Variants in KANSL1L observed in about 807,000 individuals in gnomAD.
KANSL1L encodes KAT8 regulatory NSL complex subunit 1 like, also known as KAT8 regulatory NSL complex subunit 1-like protein.
A neutral mutation model predicts 108.6 loss-of-function variants in KANSL1L; 25 were observed. That is an observed-to-expected ratio of 0.23 (90% CI 0.17 to 0.32). The LOEUF (loss-of-function observed/expected upper bound fraction) is 0.32, where lower values mean the gene tolerates loss of function less well. Among genes scored for constraint, KANSL1L ranks in the 10% least tolerant of loss-of-function variants. The probability of loss-of-function intolerance (pLI) is 1.00; values close to 1 mark genes in which losing one functional copy is unlikely to be tolerated. For missense variants in KANSL1L, 1,137 were observed against 1,125.7 expected (o/e 1.01, Z -0.14); for synonymous variants, 405 against 395.1 (o/e 1.03, Z -0.30).
rs2094993241 is a variant in KANSL1L, at chr2:210,119,497, A to G, written c.1230+9534T>C. ...TTAAAAATATCATTTGTCATAATCA[A>G]GTAGGATGCATTCCAGGGGCGCAAA... On this transcript the variant is annotated intron_variant, in intron 3 of 14. Transcript: ENST00000281772. 2.0e-5 allele frequency among the ~76,000 whole-genome samples: 3 copies of G among 152,354 alleles called. No individual in the cohort carries two copies. In the South Asian group the frequency reaches 6.2e-4, roughly 32 times the overall value.
At chr2:210,163,461 A>C (rs2095371712) in intron 1 of KANSL1L, among the ~76,000 whole-genome samples, 1 of 152,196 alleles carries the variant, frequency 6.6e-6, no homozygotes, top group Admixed American at 6.5e-5. Flanking sequence ...AAAACTAAAA[A>C]GGAAAGAGAA....
At chr2:210,079,644 A>ATATATATATATATATGTATGTGTG (rs2094570002) in intron 5 of KANSL1L, among the ~76,000 whole-genome samples, 1 of 8,978 alleles carries the variant, frequency 1.1e-4, no homozygotes, top group African/African-American at 2.0e-4. Flanking sequence ...ATATATATAT[A>ATATATATATATATATGTATGTGTG]TATATATATA....
At chr2:210,152,735 A>C (rs558825590) in intron 2 of KANSL1L, 1 of 152,176 alleles carries the variant, frequency 6.6e-6, no homozygotes, top group Non-Finnish European at 1.5e-5. Context: ...GTAGAGAGTT[A>C]AGGAAAAAAA....
intron 1 of KANSL1L, among the ~76,000 whole-genome samples, chr2:210,162,682 G>C (rs2095368261): frequency 6.7e-6 from 1 of 149,188 alleles, no homozygotes; most frequent in Admixed American, 6.9e-5. Flanking sequence ...CAAAGGAAGA[G>C]GAGCTATAAA....
chr2:210,029,759 T>A (rs1211500178), intron 10 of KANSL1L, 44 bp downstream of exon 10: 1 of 982,092 alleles, frequency 1.0e-6, no homozygotes, highest in Non-Finnish European at 1.6e-6. Context: ...CAGGTGTTTT[T>A]ATTTTTAAAG....
intron 5 of KANSL1L, among the ~76,000 whole-genome samples, chr2:210,079,652 A>ATGTG (rs1296837445): frequency 5.0e-5 from 1 of 20,184 alleles, no homozygotes; most frequent in African/African-American, 1.5e-4. Context: ...ATATATATAT[A>ATGTG]TATATATATA....
chr2:210,160,921 A>G (rs1444580877), intron 1 of KANSL1L, among the ~76,000 whole-genome samples: 2 of 152,178 alleles, frequency 1.3e-5, no homozygotes, highest in African/African-American at 4.8e-5. Flanking sequence ...TGGCATTAGC[A>G]AAAGGATGAA....
rs66917529 is a variant in KANSL1L, at chr2:210,171,295, GGCCGCCGCCGCCGCCGCCGCCGCC to G, written c.-200_-177del. ...CCAGAGCGCGCCCCGCTCCCGCCCC[GGCCGCCGCCGCCGCCGCCGCCGCC>G]GCCGCCGCCGCCGCCGCCGCCGCGG... On this transcript the variant is annotated 5_prime_UTR_variant, in exon 1 of 15. Transcript: ENST00000281772. The G allele has an allele frequency of 0.059, 10,332 of 174,270 alleles. 476 individuals carry two copies. Among genetic ancestry groups the G allele is most frequent in the Middle Eastern group, 0.17 (67 of 384 alleles). 10.8% of individuals were successfully genotyped at this position (174,270 alleles called of 1,614,324 possible). A position where few individuals can be genotyped will look rare whatever the true frequency, so the allele number is the denominator to read the frequency against.
At chr2:210,108,068 T>C (rs370987440) in intron 3 of KANSL1L, among the ~76,000 whole-genome samples, 1 of 152,244 alleles carries the variant, frequency 6.6e-6, no homozygotes, top group South Asian at 2.1e-4. Context: ...TGGCCATCCT[T>C]CTCAATTTTT....
chr2:210,081,284 A>G (rs575355509), intron 5 of KANSL1L, among the ~76,000 whole-genome samples: 9 of 152,230 alleles, frequency 5.9e-5, no homozygotes, highest in African/African-American at 1.9e-4. Flanking sequence ...TCCTTTCTTT[A>G]TAAATAATTC....
At chr2:210,035,506 G>A (rs376981925) in intron 8 of KANSL1L, among the ~76,000 whole-genome samples, 2 of 152,244 alleles carry the variant, frequency 1.3e-5, no homozygotes, top group East Asian at 3.9e-4. Flanking sequence ...TTGAGATGAA[G>A]TCTCACTCTG....
At chr2:210,119,344 A>G (rs927681925) in intron 3 of KANSL1L, among the ~76,000 whole-genome samples, 1 of 152,204 alleles carries the variant, frequency 6.6e-6, no homozygotes, top group Non-Finnish European at 1.5e-5. Flanking sequence ...CTACAAGGAC[A>G]GTATTACTGT....
chr2:210,140,936 GA>G (rs2095222123), intron 2 of KANSL1L, among the ~76,000 whole-genome samples: 1 of 152,048 alleles, frequency 6.6e-6, no homozygotes, highest in South Asian at 2.1e-4. Context: ...TTAGTGTATA[GA>G]AATAATACAG....
intron 5 of KANSL1L, among the ~76,000 whole-genome samples, chr2:210,093,976 T>C (rs2094714428): frequency 6.6e-6 from 1 of 152,216 alleles, no homozygotes; most frequent in Non-Finnish European, 1.5e-5. Flanking sequence ...GGACAAACAC[T>C]ATGTGATCCC....
intron 7 of KANSL1L, 89 bp downstream of exon 7, chr2:210,043,850 A>G: frequency 1.1e-6 from 1 of 929,248 alleles, no homozygotes; most frequent in South Asian, 2.3e-5. Context: ...AAATTGATAA[A>G]ATAAGATTTA....
intron 10 of KANSL1L, chr2:210,029,175 T>G: frequency 2.0e-6 from 1 of 492,560 alleles, no homozygotes; most frequent in East Asian, 3.8e-5. Context: ...TCTTGGTAGA[T>G]GTGTAATGTG....
intron 1 of KANSL1L, among the ~76,000 whole-genome samples, chr2:210,165,633 T>C (rs1274554050): frequency 6.6e-6 from 1 of 152,214 alleles, no homozygotes; most frequent in Non-Finnish European, 1.5e-5. Flanking sequence ...GAAATTATTA[T>C]AAATAAAATT....
intron 1 of KANSL1L, among the ~76,000 whole-genome samples, chr2:210,164,648 G>A (rs1193738127): frequency 6.6e-6 from 1 of 151,800 alleles, no homozygotes; most frequent in Admixed American, 6.6e-5. Flanking sequence ...CTGGAAAAAA[G>A]AATTAAACTT....
chr2:210,112,949 C>A (rs1381193237), intron 3 of KANSL1L, among the ~76,000 whole-genome samples: 1 of 152,200 alleles, frequency 6.6e-6, no homozygotes, highest in East Asian at 1.9e-4. Context: ...AGCTACCCAT[C>A]CCCACACCTA....
Sources: gnomAD v4.1 joint callset for allele counts (sites outside exome capture counted in the v4.1 genomes callset) on GRCh38, gnomAD v4.1.1 for gene constraint, MANE v1.5 for transcripts, NCBI Gene and HGNC (gene_info 2026-07-23, HGNC 2026-07-21) for gene names.